CYP2A7: variants seen among roughly 807,000 people sequenced by gnomAD.
CYP2A7 encodes the protein cytochrome P450 family 2 subfamily A member 7.
A neutral mutation model predicts 42.0 loss-of-function variants in CYP2A7; 36 were observed. That is an observed-to-expected ratio of 0.86 (90% confidence interval 0.66 to 1.13). The LOEUF is 1.13. Ranked by LOEUF, CYP2A7 falls within the 50% of genes most tolerant of loss-of-function variation. The pLI is 0.00. For missense variants in CYP2A7, 661 were observed against 634.1 expected, an observed-to-expected ratio of 1.04 and a Z score of -0.46; for synonymous variants, 260 against 249.5, an observed-to-expected ratio of 1.04 and a Z score of -0.40.
intron 1 of CYP2A7, 91 bp from the exon 2 acceptor site, chr19:40,881,842 C>G: frequency 1.3e-6 from 2 of 1,554,792 alleles, no homozygotes; most frequent in Non-Finnish European, 1.7e-6. Context: ...GATCCTTCAC[C>G]CCCAGGTTCT....
rs370367449 is a variant in CYP2A7 at position 40,875,738 on chromosome 19, A to G, written c.1440T>C (p.Phe480=). 25 of 1,609,424 alleles carry G rather than the reference A, an allele frequency of 1.6e-5. No homozygotes were observed. The African/African-American group carries it at 1.9e-4, about 12-fold the overall frequency. The change falls in exon 9 of 9, where the codon TTT becomes TTC. Residue 480 remains phenylalanine, a synonymous_variant. Coordinates refer to ENST00000301146, the MANE Select transcript of CYP2A7 (RefSeq NM_000764.3). The part of the protein sequence containing the change: ...DIDVSPKHVV[F]ATIPRNYTMS... ...TGGTGTAGTTTCGTGGGATCGTGGC[A>G]AAGACCACGTGTTTGGGGGACACGT...
rs138256878 is a variant in CYP2A7, at chr19:40,877,359, A to G, written c.992T>C (p.Ile331Thr). Reference protein sequence around the residue: ...PEVEAKVHEEIDRVIGKNRQP... With the variant: ...PEVEAKVHEETDRVIGKNRQP... ...CCGGTTCTTGCCGATCACTCTGTCA[A>G]TCTCCTCATGGACCTTGGCTGGGGG... The change falls in exon 7 of 9, where the codon ATT becomes ACT. Residue 331 changes from isoleucine (I) to threonine (T), a missense_variant. Ile to Thr is a moderately conservative substitution (Grantham distance 89). Coordinates refer to ENST00000301146, the MANE Select transcript of CYP2A7 (RefSeq NM_000764.3). 8.6e-4 allele frequency: 1,392 copies of G among 1,612,434 alleles called. 24 individuals carry two copies. The African/African-American group carries it at 0.016, about 19-fold the overall frequency.
In CYP2A7 at chr19:40,875,601, C is replaced by T. The variant is rs1230392058; in HGVS notation, c.*92G>A. On this transcript the variant is annotated 3_prime_UTR_variant, in exon 9 of 9. Coordinates refer to ENST00000301146, the MANE Select transcript of CYP2A7 (RefSeq NM_000764.3). ...GCCCCTTCCTTTCCCGCATCTTCCCCCCATTCTTATACCCGCCTCTTCCGC... is the reference window on the plus strand; with the variant it reads ...GCCCCTTCCTTTCCCGCATCTTCCCTCCATTCTTATACCCGCCTCTTCCGC... 13 of 1,593,152 alleles carry T rather than the reference C, an allele frequency of 8.2e-6. No individual in the cohort carries two copies. In the African/African-American group the frequency reaches 1.2e-4, roughly 15 times the overall value.
chr19:40,880,022 A>C, intron 4 of CYP2A7, 62 bp downstream of exon 4: 1 of 1,595,416 alleles, frequency 6.3e-7, no homozygotes, highest in Non-Finnish European at 8.6e-7. Flanking sequence ...ACCTGTCTCC[A>C]GGTAGGGGAG....
chr19:40,881,116 G>A (rs1470158050), intron 2 of CYP2A7, among the ~76,000 whole-genome samples: 1 of 151,548 alleles, frequency 6.6e-6, no homozygotes, highest in African/African-American at 2.4e-5. Flanking sequence ...AACAGAGAGG[G>A]TCTGGAAGGA....
In CYP2A7 at chr19:40,882,012, T is replaced by A. The variant is rs1377315920; in HGVS notation, c.180+19A>T. 1 of 1,606,470 alleles carries A rather than the reference T, an allele frequency of 6.2e-7. No homozygotes were observed. On this transcript the variant is annotated intron_variant, in intron 1 of 8. Transcript: ENST00000301146. ...GGCAGCCCCCACCCTGTGCCACCCA[T>A]CTTCCTGCCTTGGGACACCTTCATG... is the stretch of plus-strand genomic sequence containing the variant.
intron 8 of CYP2A7, 135 bp downstream of exon 8, chr19:40,876,392 G>A (rs1234712177): frequency 1.4e-6 from 2 of 1,432,264 alleles, no homozygotes; most frequent in African/African-American, 1.4e-5. Flanking sequence ...AGTATCAGCT[G>A]CTGGCTCAAG....
chr19:40,875,513 C>T lies in CYP2A7; in HGVS notation c.*180G>A, dbSNP rs947323167. ...GGTTTCCCTTCCTCTCATCCCAGCTCGGAAGCACCTTATCAAGGTGAACTG... is the reference window on the plus strand; with the variant it reads ...GGTTTCCCTTCCTCTCATCCCAGCTTGGAAGCACCTTATCAAGGTGAACTG... On this transcript the variant is annotated 3_prime_UTR_variant, in exon 9 of 9. Coordinates refer to ENST00000301146, the MANE Select transcript of CYP2A7 (RefSeq NM_000764.3). 2 of 693,792 alleles carry T rather than the reference C, an allele frequency of 2.9e-6. No homozygotes were observed. Among genetic ancestry groups the T allele is most frequent in the East Asian group, 2.7e-5 (1 of 36,700 alleles). 43.0% of individuals were successfully genotyped at this position (693,792 alleles called of 1,614,324 possible).
At chr19:40,877,098 A>G (rs1322960514) in intron 7 of CYP2A7, 92 bp downstream of exon 7, 2 of 1,412,354 alleles carry the variant, frequency 1.4e-6, no homozygotes, top group Admixed American at 1.8e-5. Flanking sequence ...GGAGTGGGAC[A>G]GTGAGTAGAA....
chr19:40,880,348 C>G (rs1456230496), intron 3 of CYP2A7, 104 bp from the exon 4 acceptor site: 10 of 1,543,262 alleles, frequency 6.5e-6, no homozygotes, highest in East Asian at 2.3e-5. Flanking sequence ...AAATTCCCAG[C>G]GCCAGACTCC....
At chr19:40,878,061 C>G (rs1321518315) in intron 5 of CYP2A7, 68 bp from the exon 6 acceptor site, 2 of 1,524,946 alleles carry the variant, frequency 1.3e-6, no homozygotes, top group Admixed American at 4.2e-5. Context: ...AGGGCTTTTC[C>G]TTTGGATCTA....
chr19:40,879,383 T>C (rs1250956578), intron 4 of CYP2A7, among the ~76,000 whole-genome samples: 1 of 151,686 alleles, frequency 6.6e-6, no homozygotes, highest in Non-Finnish European at 1.5e-5. Flanking sequence ...GGGGCTTTTG[T>C]TCAGGTGTTC....
In CYP2A7 at chr19:40,875,678, C is replaced by A. The variant is rs199916845; in HGVS notation, c.*15G>T. ...CTGGCCCCGCCCACCAGACCTGCAC[C>A]GGCACAGCCCTCGCTCAGCGGGGCA... is the stretch of plus-strand genomic sequence containing the variant. On this transcript the variant is annotated 3_prime_UTR_variant, in exon 9 of 9. Coordinates refer to ENST00000301146, the MANE Select transcript of CYP2A7 (RefSeq NM_000764.3). 2.0e-5 allele frequency: 32 copies of A among 1,610,896 alleles called. No individual in the cohort carries two copies. Among genetic ancestry groups the A allele is most frequent in the Non-Finnish European group, 2.5e-5 (30 of 1,178,208 alleles).
In CYP2A7 at chr19:40,880,101, A is replaced by C. The variant is rs1271913457; in HGVS notation, c.637T>G (p.Ser213Ala). ...CCAGTTACCTGCCCCGTGGAGGTTG[A>C]CGTGAACTGGAAGATTCCTAGCATC... Reference protein sequence around the residue: ...SMMLGIFQFTSTSTGQLYEMF... With the variant: ...SMMLGIFQFTATSTGQLYEMF... Residue 213 changes from serine to alanine, a missense_variant, in exon 4 of 9, where the codon TCA (serine) becomes GCA (alanine). Ser to Ala is a moderately conservative substitution (Grantham distance 99). Coordinates refer to ENST00000301146, the MANE Select transcript of CYP2A7 (RefSeq NM_000764.3). 1 of 1,612,884 alleles carries C rather than the reference A, an allele frequency of 6.2e-7. No homozygotes were observed. The highest frequency in any genetic ancestry group is 8.5e-7 in the Non-Finnish European group (1 of 1,179,198).
chr19:40,881,865 G>T, intron 1 of CYP2A7, 114 bp from the exon 2 acceptor site: 2 of 1,524,654 alleles, frequency 1.3e-6, no homozygotes, highest in Admixed American at 2.1e-5. Context: ...CAGTCAGGGA[G>T]CTGGACATCC....
In CYP2A7 at chr19:40,875,627, G is replaced by C. The variant is rs568872305; in HGVS notation, c.*66C>G. 5 of 1,606,726 alleles carry C rather than the reference G, an allele frequency of 3.1e-6. No individual in the cohort carries two copies. Among genetic ancestry groups the C allele is most frequent in the Middle Eastern group, 1.7e-4 (1 of 6,048 alleles). ...CCATTCTTATACCCGCCTCTTCCGC[G>C]AACCCCGCCCTGACCCCGCCTTTCC... On this transcript the variant is annotated 3_prime_UTR_variant, in exon 9 of 9. Coordinates refer to ENST00000301146, the MANE Select transcript of CYP2A7 (RefSeq NM_000764.3).
chr19:40,876,243 A>G (rs1967527528), intron 8 of CYP2A7: 1 of 603,008 alleles, frequency 1.7e-6, no homozygotes, highest in Non-Finnish European at 2.9e-6. Flanking sequence ...TACACTTGCA[A>G]ATATGACTGC....
intron 4 of CYP2A7, 141 bp downstream of exon 4, chr19:40,879,943 G>A (rs903929689): frequency 2.2e-6 from 3 of 1,390,932 alleles, no homozygotes; most frequent in Non-Finnish European, 2.9e-6. Context: ...TGGTGCAACT[G>A]TCCAGTTGTC....
rs373866036 is a variant in CYP2A7 at position 40,880,529 on chromosome 19, C to G, written c.443G>C (p.Arg148Pro). Residue 148 changes from arginine to proline, a missense_variant, in exon 3 of 9, where the codon CGC becomes CCC. By Grantham distance (103) the Arg-to-Pro change is moderately radical. This residue lies in a region of CYP2A7 where 614 missense variants were observed against 552.4 expected (regional missense o/e 1.11). Transcript: ENST00000301146. Reference protein sequence around the residue: ...FGVGKRGIEERIQEESGFLIE... With the variant: ...FGVGKRGIEEPIQEESGFLIE... ...GAGGAAGCCCGACTCCTCCTGGATG[C>G]GCTCCTCGATGCCTCGCTTGCCCAC... The G allele has an allele frequency of 1.9e-6, 3 of 1,612,086 alleles. No individual in the cohort carries two copies. The highest frequency in any genetic ancestry group is 2.2e-5 in the South Asian group (2 of 90,990).
Sources: gnomAD v4.1 joint callset for allele counts (sites outside exome capture counted in the v4.1 genomes callset) on GRCh38, gnomAD v4.1.1 for gene constraint, gnomAD v4.1.1 regional missense constraint, MANE v1.5 for transcripts, NCBI Gene and HGNC (gene_info 2026-07-23, HGNC 2026-07-21) for gene names.